Variants in NRG1 observed in about 807,000 individuals in gnomAD.
NRG1 encodes the protein neuregulin 1.
In NRG1, 18 loss-of-function variants were observed where a neutral mutation model predicts 63.8. The observed-to-expected ratio is 0.28, with a 90% CI of 0.19 to 0.42. NRG1 has a LOEUF of 0.42. Ranked by LOEUF, NRG1 falls within the 10% of genes least tolerant of loss-of-function variation. The probability of loss-of-function intolerance (pLI) is 1.00; values close to 1 mark genes in which losing one functional copy is unlikely to be tolerated. For missense variants in NRG1, 762 were observed against 814.7 expected (o/e 0.94, Z 0.79); for synonymous variants, 302 against 301.3 (o/e 1.00, Z -0.02).
chr8:32,272,769 G>A (rs1184918860), intron 1 of NRG1, among the ~76,000 whole-genome samples: 1 of 152,086 alleles, frequency 6.6e-6, no homozygotes, highest in East Asian at 1.9e-4. Flanking sequence ...AGACCTTTTG[G>A]GTTGTGTTTC....
intron 1 of NRG1, among the ~76,000 whole-genome samples, chr8:31,922,830 A>G (rs1834024167): frequency 1.3e-5 from 2 of 152,204 alleles, no homozygotes; most frequent in Admixed American, 6.5e-5. Flanking sequence ...AAGGTGAACA[A>G]GCAGATGATT....
Position 31,973,335 on chromosome 8 carries a change from G to GA in NRG1, c.37+333908dup, listed in dbSNP as rs1363533662. Among the ~76,000 whole-genome samples the GA allele has an allele frequency of 2.6e-5, 4 of 152,254 alleles. No homozygotes were observed. In the East Asian group the frequency reaches 7.7e-4, roughly 29 times the overall value. On this transcript the variant is annotated intron_variant, in intron 1 of 10. Coordinates refer to the NRG1 transcript ENST00000519301. ...ATATCTTGTAGATATCACTCTAGAT[G>GA]AAAAGGTTCTAACTATTTTTAGATC...
intron 2 of NRG1, among the ~76,000 whole-genome samples, chr8:32,603,462 G>T (rs907612942): frequency 3.3e-5 from 5 of 151,888 alleles, no homozygotes; most frequent in African/African-American, 1.2e-4. Context: ...ATCGAGTCCC[G>T]ACTAGCGCAG....
At chr8:32,671,337 T>G (rs148035949) in intron 5 of NRG1, among the ~76,000 whole-genome samples, 1 of 152,254 alleles carries the variant, frequency 6.6e-6, no homozygotes, top group Non-Finnish European at 1.5e-5. Context: ...ATGCTGGGCC[T>G]TACCCGGAAA....
intron 5 of NRG1, among the ~76,000 whole-genome samples, chr8:32,726,352 A>G (rs1210777156): frequency 6.6e-6 from 1 of 151,898 alleles, no homozygotes; most frequent in Non-Finnish European, 1.5e-5. Flanking sequence ...CTTTATCTAG[A>G]TTATTTATAA....
At chr8:31,696,737 G>A (rs572704850) in intron 1 of NRG1, among the ~76,000 whole-genome samples, 7 of 152,294 alleles carry the variant, frequency 4.6e-5, no homozygotes, top group Non-Finnish European at 1.0e-4. Flanking sequence ...GGAAACCTGA[G>A]CAGTTGTGCA....
chr8:32,480,862 G>A (rs1353939247), intron 1 of NRG1, among the ~76,000 whole-genome samples: 1 of 151,994 alleles, frequency 6.6e-6, no homozygotes, highest in Non-Finnish European at 1.5e-5. Flanking sequence ...ACAACACCAC[G>A]CTATTCACAA....
chr8:31,845,732 C>T (rs1435755234), intron 1 of NRG1, among the ~76,000 whole-genome samples: 1 of 152,042 alleles, frequency 6.6e-6, no homozygotes. Context: ...TGAATTTATA[C>T]ATTTGAGACA....
intron 1 of NRG1, among the ~76,000 whole-genome samples, chr8:31,999,596 A>G (rs1441325758): frequency 6.6e-6 from 1 of 152,026 alleles, no homozygotes; most frequent in Non-Finnish European, 1.5e-5. Flanking sequence ...AATTCAAAAA[A>G]CAGGTTCATT....
chr8:31,757,170 G>T (rs1385481783), intron 1 of NRG1, among the ~76,000 whole-genome samples: 1 of 152,066 alleles, frequency 6.6e-6, no homozygotes, highest in Middle Eastern at 3.2e-3. Flanking sequence ...GAAATTTGTT[G>T]TCCTTTTTTT....
At chr8:32,272,782 A>G (rs1404143810) in intron 1 of NRG1, among the ~76,000 whole-genome samples, 5 of 152,214 alleles carry the variant, frequency 3.3e-5, no homozygotes, top group Admixed American at 6.5e-5. Flanking sequence ...TGTGTTTCAA[A>G]GAGTAACCAT....
intron 1 of NRG1, among the ~76,000 whole-genome samples, chr8:32,428,872 A>G (rs766621363): frequency 5.3e-5 from 8 of 152,188 alleles, no homozygotes; most frequent in South Asian, 2.1e-4. Flanking sequence ...AGAAATTTCT[A>G]CAGACTCTCT....
chr8:31,691,518 C>T (rs1334502895), intron 1 of NRG1, among the ~76,000 whole-genome samples: 1 of 132,694 alleles, frequency 7.5e-6, no homozygotes, highest in African/African-American at 2.7e-5. Flanking sequence ...CGGCATGAAC[C>T]CGGGAGGCGG....
intron 5 of NRG1, among the ~76,000 whole-genome samples, chr8:32,625,817 C>T (rs1416876142): frequency 3.1e-5 from 4 of 129,152 alleles, no homozygotes; most frequent in African/African-American, 8.8e-5. Context: ...TTTCTTGAGA[C>T]GGAGTCTAGC....
intron 1 of NRG1, among the ~76,000 whole-genome samples, chr8:32,096,880 G>A (rs185562002): frequency 1.3e-5 from 2 of 152,088 alleles, no homozygotes; most frequent in Non-Finnish European, 2.9e-5. Context: ...GTGTATAGAG[G>A]CAAACATCCA....
At chr8:31,650,893 G>A (rs994113416) in intron 1 of NRG1, among the ~76,000 whole-genome samples, 12 of 152,108 alleles carry the variant, frequency 7.9e-5, no homozygotes, top group South Asian at 2.1e-4. Context: ...ATTGTGGGTC[G>A]CTGACTTTAT....
exon 12 of NRG1, chr8:32,766,579 G>A (rs1169738841): frequency 6.6e-6 from 1 of 152,116 alleles, no homozygotes. Flanking sequence ...TTTGGGCATT[G>A]GGGTACTCAG....
intron 1 of NRG1, among the ~76,000 whole-genome samples, chr8:31,781,284 A>G (rs1202074661): frequency 6.6e-6 from 1 of 152,152 alleles, no homozygotes; most frequent in Admixed American, 6.6e-5. Context: ...TAATGGAGAG[A>G]TTAGCATGGA....
intron 1 of NRG1, among the ~76,000 whole-genome samples, chr8:32,464,407 G>T (rs1365984540): frequency 6.6e-6 from 1 of 150,536 alleles, no homozygotes; most frequent in African/African-American, 2.4e-5. Context: ...TCCCAATCCA[G>T]CACTCTTCCA....
Sources: allele counts gnomAD v4.1 joint callset (sites outside exome capture counted in the v4.1 genomes callset), GRCh38; gene constraint gnomAD v4.1.1; transcripts MANE v1.5; gene names NCBI Gene and HGNC (gene_info 2026-07-23, HGNC 2026-07-21).